Variants in PUDP observed in about 807,000 individuals in gnomAD.
The protein encoded by PUDP is pseudouridine 5'-phosphatase, also known as pseudouridine-5'-phosphatase.
PUDP carries 8 observed loss-of-function variants against 9.4 expected under a neutral mutation model. The ratio of observed to expected loss-of-function variants is 0.85; its 90% confidence interval spans 0.50 to 1.53. The LOEUF is 1.53. PUDP is among the 40% of genes most tolerant of loss of function. PUDP has a pLI of 0.00. For synonymous variants in PUDP, 99 were observed against 80.7 expected, an observed-to-expected ratio of 1.23 and a Z score of -1.22; for missense variants, 188 against 189.7, an observed-to-expected ratio of 0.99 and a Z score of 0.05.
chrX:7,000,928 C>T (rs749735624), intron 1 of PUDP, among the ~76,000 whole-genome samples: 1 of 107,241 alleles, frequency 9.3e-6, no homozygotes, highest in East Asian at 2.9e-4. Context: ...ATAATTGTAT[C>T]AAGCTTCATC....
In PUDP at chrX:6,969,932, G is replaced by A. The variant is rs753656733; in HGVS notation, c.*247+7201C>T. 1.3e-4 allele frequency among the ~76,000 whole-genome samples: 15 copies of A among 112,299 alleles called. 1 individual carries two copies. In the East Asian group the frequency reaches 3.4e-3, roughly 25 times the overall value. ...TTATTTCAAGCTAAAAGTTTATACA[G>A]TAATTGCTTTGTGTTGTGTAACATT... On this transcript the variant is annotated intron_variant and NMD_transcript_variant, in intron 3 of 3. Coordinates refer to the PUDP transcript ENST00000655425.
chrX:7,077,496 C>A (rs3747390), intron 2 of PUDP, 47 bp from the exon 3 acceptor site: 328,403 of 1,005,683 alleles, frequency 0.33, 37,292 homozygotes, highest in Middle Eastern at 0.46. Flanking sequence ...AGGCCTCCAC[C>A]ATAAGACCTT....
At chrX:7,081,260 T>C (rs1284147543) in intron 2 of PUDP, among the ~76,000 whole-genome samples, 2 of 111,601 alleles carry the variant, frequency 1.8e-5, no homozygotes. Context: ...TCAAAACGAT[T>C]CTCCAGCCTC....
chrX:6,746,746 C>T (rs1001012418), intron 3 of PUDP, among the ~76,000 whole-genome samples: 1 of 111,306 alleles, frequency 9.0e-6, no homozygotes, highest in Non-Finnish European at 1.9e-5. Flanking sequence ...AGGTCATGAT[C>T]TCATTCTTTT....
intron 3 of PUDP, among the ~76,000 whole-genome samples, chrX:7,071,776 TA>T (rs1280483089): frequency 1.5e-5 from 1 of 65,673 alleles, no homozygotes; most frequent in Non-Finnish European, 3.1e-5. Flanking sequence ...ATGTACTCTC[TA>T]TTTTTTTTTT....
At chrX:7,039,644 G>C (rs1274688540) in intron 1 of PUDP, among the ~76,000 whole-genome samples, 11 of 112,135 alleles carry the variant, frequency 9.8e-5, no homozygotes, top group Non-Finnish European at 1.9e-4. Flanking sequence ...CTGACACCTT[G>C]ATCTCAGACC....
intron 3 of PUDP, among the ~76,000 whole-genome samples, chrX:6,881,662 A>T (rs1294841917): frequency 2.7e-5 from 3 of 111,803 alleles, no homozygotes; most frequent in Admixed American, 1.9e-4. Flanking sequence ...CCTTTCATTA[A>T]CAAGTGCCTG....
intron 3 of PUDP, among the ~76,000 whole-genome samples, chrX:6,756,784 A>G (rs1395757481): frequency 1.8e-5 from 2 of 112,298 alleles, no homozygotes; most frequent in Non-Finnish European, 3.8e-5. Flanking sequence ...ACATAATTAT[A>G]TAATCAGAGG....
intron 3 of PUDP, among the ~76,000 whole-genome samples, chrX:6,925,356 A>C (rs1928085968): frequency 8.9e-6 from 1 of 111,897 alleles, no homozygotes; most frequent in Non-Finnish European, 1.9e-5. Flanking sequence ...TTTAAGCAAC[A>C]GGTCTCTCCC....
intron 1 of PUDP, among the ~76,000 whole-genome samples, chrX:7,107,555 G>C (rs1375670604): frequency 8.9e-6 from 1 of 112,754 alleles, no homozygotes; most frequent in Non-Finnish European, 1.9e-5. Context: ...GGGCGGGCGC[G>C]GTGGCTCACG....
chrX:6,861,491 C>T (rs1190453193), intron 3 of PUDP, among the ~76,000 whole-genome samples: 2 of 111,596 alleles, frequency 1.8e-5, no homozygotes, highest in Non-Finnish European at 3.8e-5. Flanking sequence ...TTCCATGTGT[C>T]GTTAATGTTA....
chrX:7,052,787 G>C (rs993068197), intron 3 of PUDP, among the ~76,000 whole-genome samples: 3 of 111,231 alleles, frequency 2.7e-5, no homozygotes, highest in African/African-American at 9.8e-5. Flanking sequence ...AGGATGTTCC[G>C]TGCTACACCC....
chrX:6,786,692 T>G (rs989001251), intron 3 of PUDP, among the ~76,000 whole-genome samples: 1 of 111,607 alleles, frequency 9.0e-6, no homozygotes, highest in Non-Finnish European at 1.9e-5. Context: ...GCTTGAAAAT[T>G]TGGGCATCTC....
At chrX:7,058,945 T>TA (rs757622832) in intron 3 of PUDP, among the ~76,000 whole-genome samples, 63 of 111,498 alleles carry the variant, frequency 5.7e-4, no homozygotes, top group African/African-American at 1.8e-3. Flanking sequence ...TGGAGGTCAG[T>TA]ATCCCTTGTG....
At chrX:7,058,732 C>T (rs1930316164) in intron 3 of PUDP, among the ~76,000 whole-genome samples, 1 of 112,114 alleles carries the variant, frequency 8.9e-6, no homozygotes, top group African/African-American at 3.2e-5. Flanking sequence ...GTCAAAATGA[C>T]TGCTGAGGTA....
chrX:6,955,810 T>C (rs1253604929), intron 3 of PUDP, among the ~76,000 whole-genome samples: 1 of 111,000 alleles, frequency 9.0e-6, no homozygotes, highest in Non-Finnish European at 1.9e-5. Flanking sequence ...TTAAACTCCA[T>C]TCATTAATTA....
At chrX:6,852,332 G>A (rs1926838327) in intron 3 of PUDP, among the ~76,000 whole-genome samples, 1 of 112,245 alleles carries the variant, frequency 8.9e-6, no homozygotes, top group African/African-American at 3.2e-5. Flanking sequence ...AGGCCAATCG[G>A]GCTGATGCAT....
chrX:6,882,837 A>G (rs1927368963), intron 3 of PUDP, among the ~76,000 whole-genome samples: 1 of 111,119 alleles, frequency 9.0e-6, no homozygotes, highest in East Asian at 2.9e-4. Flanking sequence ...TTGGGTCGCT[A>G]TGTCTGAGGT....
intron 3 of PUDP, among the ~76,000 whole-genome samples, chrX:6,940,079 C>G (rs1375188590): frequency 8.9e-6 from 1 of 112,425 alleles, no homozygotes; most frequent in Non-Finnish European, 1.9e-5. Flanking sequence ...GGGTACTGTC[C>G]TGGAATACTG....
Sources: gnomAD v4.1 joint callset for allele counts (sites outside exome capture counted in the v4.1 genomes callset) on GRCh38, gnomAD v4.1.1 for gene constraint, MANE v1.5 for transcripts, NCBI Gene and HGNC (gene_info 2026-07-23, HGNC 2026-07-21) for gene names.